The following GLP2R variants were observed in gnomAD, a reference collection of about 807,000 sequenced individuals.
The protein encoded by GLP2R is glucagon-like peptide 2 receptor.
A neutral mutation model predicts 68.2 loss-of-function variants in GLP2R; 59 were observed. The ratio of observed to expected loss-of-function variants is 0.87; its 90% confidence interval spans 0.70 to 1.07. The LOEUF (loss-of-function observed/expected upper bound fraction) is 1.07. GLP2R is among the 50% of genes least tolerant of loss of function. The pLI, the probability that GLP2R is intolerant of heterozygous loss-of-function variation, is 0.00. For synonymous variants in GLP2R, 270 were observed against 265.4 expected, an observed-to-expected ratio of 1.02 and a Z score of -0.17; for missense variants, 548 against 677.4, an observed-to-expected ratio of 0.81 and a Z score of 2.12.
At chr17:9,858,506 G>C (rs1303664417) in intron 6 of GLP2R, among the ~76,000 whole-genome samples, 1 of 152,226 alleles carries the variant, frequency 6.6e-6, no homozygotes, top group Non-Finnish European at 1.5e-5. Flanking sequence ...AAACAAATTA[G>C]AGCTGGTTTC....
At chr17:9,871,334 A>G (rs2067090671) in intron 10 of GLP2R, among the ~76,000 whole-genome samples, 1 of 145,230 alleles carries the variant, frequency 6.9e-6, no homozygotes, top group South Asian at 2.2e-4. Context: ...AGCCTGGGTG[A>G]CCCTGTCTCA....
In GLP2R at chr17:9,889,385, C is replaced by T. The variant is rs376173642; in HGVS notation, c.1342C>T (p.Arg448Trp). Reference sequence around the variant, plus strand: ...CACCCGGCAGGTGAAGGCTGAGCTGCGGAAATACTGGGTCCGCTTCTTGCT... The same window carrying T: ...CACCCGGCAGGTGAAGGCTGAGCTGTGGAAATACTGGGTCCGCTTCTTGCT... ...FANGEVKAEL[R>W]KYWVRFLLAR... Residue 448 changes from arginine (R) to tryptophan (W), a missense_variant, in exon 13 of 13, where the codon CGG (arginine) becomes TGG (tryptophan). Transcript: ENST00000262441. The T allele has an allele frequency of 6.8e-6, 11 of 1,612,520 alleles. No homozygotes were observed. The African/African-American group carries it at 9.3e-5, about 14-fold the overall frequency.
chr17:9,838,701 C>G (rs1013641557), intron 3 of GLP2R, among the ~76,000 whole-genome samples: 5 of 152,212 alleles, frequency 3.3e-5, no homozygotes, highest in Admixed American at 3.3e-4. Flanking sequence ...TGGGAAGTTA[C>G]TCTTCCACCC....
At chr17:9,857,108 G>T (rs1007672630) in intron 5 of GLP2R, among the ~76,000 whole-genome samples, 2 of 152,132 alleles carry the variant, frequency 1.3e-5, no homozygotes, top group African/African-American at 2.4e-5. Context: ...TATTAGTAGA[G>T]GTGGGGTTTC....
At chr17:9,863,714 C>T in intron 9 of GLP2R, among the ~76,000 whole-genome samples, 1 of 152,328 alleles carries the variant, frequency 6.6e-6, no homozygotes, top group East Asian at 1.9e-4. Flanking sequence ...CCTGGATGCT[C>T]ACCTCACGAA....
chr17:9,850,679 G>A (rs1300348307), intron 4 of GLP2R, among the ~76,000 whole-genome samples: 2 of 145,222 alleles, frequency 1.4e-5, no homozygotes, highest in African/African-American at 5.1e-5. Context: ...TTACCCTACC[G>A]ATGATTTTTT....
Position 9,887,909 on chromosome 17 carries a change from G to C in GLP2R, c.1285-23G>C, listed in dbSNP as rs376158427. On this transcript the variant is annotated intron_variant, in intron 11 of 12. Transcript: ENST00000262441. ...CATCTTCTCCGGAGTCAGATTTTAT[G>C]CCATGTCCTCCTTTTGTTTCAGGGG... The C allele has an allele frequency of 3.9e-4, 615 of 1,595,180 alleles. 2 individuals are homozygous for C. Among genetic ancestry groups the C allele is most frequent in the Middle Eastern group, 1.7e-4 (1 of 6,040 alleles).
intron 10 of GLP2R, among the ~76,000 whole-genome samples, chr17:9,879,173 G>T (rs915871776): frequency 1.3e-5 from 2 of 151,458 alleles, no homozygotes; most frequent in Non-Finnish European, 2.9e-5. Flanking sequence ...CCAACACTTC[G>T]GGAGACTGAG....
chr17:9,840,189 C>A (rs2066772745), intron 3 of GLP2R, among the ~76,000 whole-genome samples: 2 of 152,188 alleles, frequency 1.3e-5, no homozygotes, highest in Middle Eastern at 3.2e-3. Context: ...GTTGGCCAGG[C>A]TGGTCTCGAA....
chr17:9,850,166 G>T (rs893574421), intron 4 of GLP2R, among the ~76,000 whole-genome samples: 1 of 152,186 alleles, frequency 6.6e-6, no homozygotes, highest in Non-Finnish European at 1.5e-5. Context: ...TCTCATAAAG[G>T]TGTCTAAGTG....
chr17:9,849,471 A>G (rs2066871556), intron 4 of GLP2R, among the ~76,000 whole-genome samples: 1 of 151,924 alleles, frequency 6.6e-6, no homozygotes, highest in Non-Finnish European at 1.5e-5. Context: ...GTTTTCCCAA[A>G]CTTTTATAGC....
At chr17:9,863,211 C>T (rs1204143446) in intron 9 of GLP2R, among the ~76,000 whole-genome samples, 1 of 152,182 alleles carries the variant, frequency 6.6e-6, no homozygotes, top group Non-Finnish European at 1.5e-5. Flanking sequence ...AGTCCTCTCT[C>T]CAGCCACACT....
chr17:9,883,445 A>C (rs951090759), intron 11 of GLP2R, among the ~76,000 whole-genome samples: 17 of 152,220 alleles, frequency 1.1e-4, no homozygotes, highest in African/African-American at 4.1e-4. Context: ...AAATATTTGG[A>C]TAAATAATGG....
At position 9,890,177 on chromosome 17, in the gene GLP2R, G is replaced by T; in HGVS notation, c.*472G>T. On this transcript the variant is annotated 3_prime_UTR_variant, in exon 13 of 13. Transcript: ENST00000262441. ...TCTAAGACAGTGAGTCTGGGACCAT[G>T]GCCAGGAATTGGAGCTGTTTAATAA... is the stretch of plus-strand genomic sequence containing the variant. 1 of 397,672 alleles carries T rather than the reference G, an allele frequency of 2.5e-6. No homozygotes were observed. The highest frequency in any genetic ancestry group is 1.9e-5 in the South Asian group (1 of 53,468). 24.6% of individuals were successfully genotyped at this position (397,672 alleles called of 1,614,324 possible).
At chr17:9,873,047 G>A (rs1223526545) in intron 10 of GLP2R, among the ~76,000 whole-genome samples, 1 of 152,212 alleles carries the variant, frequency 6.6e-6, no homozygotes, top group East Asian at 1.9e-4. Flanking sequence ...GAGGCTCCAA[G>A]TGGCCAAGCA....
intron 6 of GLP2R, among the ~76,000 whole-genome samples, chr17:9,859,018 C>T (rs1474834021): frequency 6.6e-6 from 1 of 151,936 alleles, no homozygotes; most frequent in South Asian, 2.1e-4. Context: ...GCTTAATTTG[C>T]TATTCTTTTT....
intron 3 of GLP2R, among the ~76,000 whole-genome samples, chr17:9,840,575 A>G (rs1439703470): frequency 6.6e-6 from 1 of 152,258 alleles, no homozygotes; most frequent in Non-Finnish European, 1.5e-5. Flanking sequence ...ACATTCTTGC[A>G]GGAGAGACAG....
At chr17:9,880,271 A>G in intron 10 of GLP2R, 107 bp from the exon 11 acceptor site, 5 of 693,814 alleles carry the variant, frequency 7.2e-6, no homozygotes, top group Non-Finnish European at 1.2e-5. Flanking sequence ...CTGGGAAACA[A>G]CTATCAATAT....
At chr17:9,842,196 G>T (rs914627437) in intron 3 of GLP2R, among the ~76,000 whole-genome samples, 4 of 152,172 alleles carry the variant, frequency 2.6e-5, no homozygotes, top group African/African-American at 7.2e-5. Context: ...GCCCAGATTG[G>T]CATCTCCCAG....
Sources: allele counts gnomAD v4.1 joint callset (sites outside exome capture counted in the v4.1 genomes callset), GRCh38; gene constraint gnomAD v4.1.1; transcripts MANE v1.5; gene names NCBI Gene and HGNC (gene_info 2026-07-23, HGNC 2026-07-21).